AKAP8: variants seen among roughly 807,000 people sequenced by gnomAD.
The protein encoded by AKAP8 is A-kinase anchoring protein 8, also known as A-kinase anchor protein 8.
AKAP8 carries 24 observed loss-of-function variants against 67.5 expected under a neutral mutation model. That is an observed-to-expected ratio of 0.36 (90% CI 0.26 to 0.50). AKAP8 has a LOEUF of 0.50. AKAP8 is among the 20% of genes least tolerant of loss of function. The pLI, the probability that AKAP8 is intolerant of heterozygous loss-of-function variation, is 0.97. For missense variants in AKAP8, 971 were observed against 955.9 expected (o/e 1.02, Z -0.21); for synonymous variants, 400 against 371.1 (o/e 1.08, Z -0.90).
intron 13 of AKAP8, among the ~76,000 whole-genome samples, chr19:15,357,783 G>A (rs973980195): frequency 7.1e-6 from 1 of 141,012 alleles, no homozygotes; most frequent in African/African-American, 2.7e-5. Context: ...GCACGATCTT[G>A]GCTCACTGCA....
chr19:15,368,359 G>A (rs1043665619), intron 8 of AKAP8, 37 bp from the exon 9 acceptor site: 3 of 1,612,302 alleles, frequency 1.9e-6, no homozygotes, highest in Non-Finnish European at 2.5e-6. Flanking sequence ...GCTCTGAGTG[G>A]CCTGCAAAGG....
intron 13 of AKAP8, among the ~76,000 whole-genome samples, chr19:15,355,620 A>C (rs1429597711): frequency 6.6e-6 from 1 of 151,012 alleles, no homozygotes; most frequent in East Asian, 1.9e-4. Context: ...CAGTGGTGCG[A>C]TCTCGGCTCA....
chr19:15,368,275 G>C lies in AKAP8; in HGVS notation c.1120C>G (p.Gln374Glu), dbSNP rs767283404. ...TCCCGCGTCCTGTCTCTTCTCCTTT[G>C]CTTTTCCCTTCTCTTCTTCACATCC... Reference protein sequence around the residue: ...DEDVKKRREKQRRRDRTRDRA... With the variant: ...DEDVKKRREKERRRDRTRDRA... Residue 374 changes from glutamine (Q) to glutamate (E), a missense_variant, in exon 9 of 14, where the codon CAA (glutamine) becomes GAA (glutamate). Physicochemically the swap from Gln to Glu is conservative, Grantham distance 29. Transcript: ENST00000269701. 3.1e-6 allele frequency: 5 copies of C among 1,613,570 alleles called. No homozygotes were observed. The highest frequency in any genetic ancestry group is 1.1e-5 in the South Asian group (1 of 91,088).
intron 9 of AKAP8, among the ~76,000 whole-genome samples, chr19:15,362,888 G>A (rs1225225195): frequency 6.7e-6 from 1 of 150,320 alleles, no homozygotes; most frequent in Non-Finnish European, 1.5e-5. Context: ...TCTCTGCCCG[G>A]CCGCCATCCC....
chr19:15,367,823 G>T (rs1204862420), intron 9 of AKAP8, among the ~76,000 whole-genome samples: 1 of 152,254 alleles, frequency 6.6e-6, no homozygotes, highest in Non-Finnish European at 1.5e-5. Flanking sequence ...ACAGGACAGT[G>T]TCTGAGATGC....
rs774012866 is a variant in AKAP8 at position 15,360,892 on chromosome 19, G to A, written c.1483C>T (p.Leu495Phe). 5.0e-6 allele frequency: 8 copies of A among 1,613,638 alleles called. No homozygotes were observed. The highest frequency in any genetic ancestry group is 3.3e-5 in the Admixed American group (2 of 59,950). Residue 495 changes from leucine to phenylalanine, a missense_variant, in exon 12 of 14, where the codon CTC becomes TTC. Transcript: ENST00000269701. Reference sequence around the variant, plus strand: ...TCCACGGAGTGCAGGTGCCGCTGGAGGAGCTGCGGCTGTGCAGGAATTAGC... The same window carrying A: ...TCCACGGAGTGCAGGTGCCGCTGGAAGAGCTGCGGCTGTGCAGGAATTAGC... ...DMLIPAQPQL[L>F]QRHLHSVDHN...
At chr19:15,375,812 G>C (rs1267028017) in intron 2 of AKAP8, among the ~76,000 whole-genome samples, 3 of 151,854 alleles carry the variant, frequency 2.0e-5, no homozygotes, top group Non-Finnish European at 4.4e-5. Flanking sequence ...AATTTTTTTT[G>C]TATTTTTAGT....
At chr19:15,378,272 T>G (rs978870257) in intron 1 of AKAP8, among the ~76,000 whole-genome samples, 2 of 152,172 alleles carry the variant, frequency 1.3e-5, no homozygotes, top group Non-Finnish European at 2.9e-5. Context: ...AAAGGCAGAC[T>G]GCAGATTCCA....
At chr19:15,358,878 A>C (rs1446804886) in intron 13 of AKAP8, 89 bp downstream of exon 13, 1 of 1,201,370 alleles carries the variant, frequency 8.3e-7, no homozygotes, top group African/African-American at 1.5e-5. Flanking sequence ...GAAATGCTAA[A>C]TGCTGCACTC....
At chr19:15,363,525 A>AGGGAGGTGGGG (rs1967015333) in intron 9 of AKAP8, among the ~76,000 whole-genome samples, 1 of 128,264 alleles carries the variant, frequency 7.8e-6, no homozygotes, top group Admixed American at 7.9e-5. Flanking sequence ...ACCGTCCGGG[A>AGGGAGGTGGGG]GGGAGGTGGG....
chr19:15,374,836 T>C (rs1357106523), intron 2 of AKAP8, among the ~76,000 whole-genome samples: 1 of 152,178 alleles, frequency 6.6e-6, no homozygotes, highest in Non-Finnish European at 1.5e-5. Context: ...GCAAGCCCTC[T>C]ATCCCGGGCA....
chr19:15,376,937 G>A, intron 2 of AKAP8, 39 bp downstream of exon 2: 1 of 1,600,740 alleles, frequency 6.2e-7, no homozygotes, highest in East Asian at 2.3e-5. Context: ...TTGAGTTAGG[G>A]GAAGCCCACG....
chr19:15,375,614 C>T (rs978280993), intron 2 of AKAP8, among the ~76,000 whole-genome samples: 1 of 150,366 alleles, frequency 6.7e-6, no homozygotes, highest in African/African-American at 2.5e-5. Context: ...GTAACAAATG[C>T]ATCACACCAA....
At chr19:15,363,632 C>T (rs1223854120) in intron 9 of AKAP8, among the ~76,000 whole-genome samples, 5 of 151,598 alleles carry the variant, frequency 3.3e-5, no homozygotes, top group Admixed American at 6.6e-5. Context: ...CCCCTCTGCC[C>T]AGCCACCACC....
intron 13 of AKAP8, among the ~76,000 whole-genome samples, chr19:15,357,599 T>C (rs910699165): frequency 6.6e-6 from 1 of 151,192 alleles, no homozygotes; most frequent in Non-Finnish European, 1.5e-5. Flanking sequence ...AACAAGACCC[T>C]GACTCAAAAA....
At chr19:15,379,361 G>C in intron 1 of AKAP8, 1 of 300,476 alleles carries the variant, frequency 3.3e-6, no homozygotes, top group Non-Finnish European at 6.1e-6. Flanking sequence ...GAGGAAGCCG[G>C]GAGTGCAAAC....
At chr19:15,370,074 C>A in intron 8 of AKAP8, 72 bp downstream of exon 8, 1 of 1,592,184 alleles carries the variant, frequency 6.3e-7, no homozygotes, top group South Asian at 1.1e-5. Context: ...CTGGCTTGCT[C>A]AGAAGCTGGG....
chr19:15,362,107 T>C lies in AKAP8; in HGVS notation c.1302+3A>G, dbSNP rs1354983385. 1.2e-6 allele frequency: 2 copies of C among 1,613,716 alleles called. No individual in the cohort carries two copies. Among genetic ancestry groups the C allele is most frequent in the African/African-American group, 2.7e-5 (2 of 74,910 alleles). On this transcript the variant is annotated splice_donor_region_variant and intron_variant, in intron 10 of 13. Transcript: ENST00000269701. ...GCGGTGACGGGGCCCAGGTTTCCTT[T>C]ACCTGGAGGAACTCCACGGTCTTGT...
chr19:15,370,766 G>C (rs1967142832), intron 7 of AKAP8, among the ~76,000 whole-genome samples: 1 of 151,004 alleles, frequency 6.6e-6, no homozygotes, highest in Non-Finnish European at 1.5e-5. Flanking sequence ...CGAGTAGCTG[G>C]GACTATAGGC....
Sources: allele counts gnomAD v4.1 joint callset (sites outside exome capture counted in the v4.1 genomes callset), GRCh38; gene constraint gnomAD v4.1.1; transcripts MANE v1.5; gene names NCBI Gene and HGNC (gene_info 2026-07-23, HGNC 2026-07-21).